Variants in CNTN5 observed in about 807,000 individuals in gnomAD.
CNTN5 encodes the protein contactin-5.
Under a neutral mutation model 129.1 loss-of-function variants are expected in CNTN5, and 77 were observed. The observed-to-expected ratio is 0.60, with a 90% CI of 0.50 to 0.72. The LOEUF is 0.72. Ranked by LOEUF, CNTN5 falls within the 30% of genes least tolerant of loss-of-function variation. The pLI, the probability that CNTN5 is intolerant of heterozygous loss-of-function variation, is 0.00. For missense variants in CNTN5, 1,478 were observed against 1,328.8 expected, an observed-to-expected ratio of 1.11 and a Z score of -1.75; for synonymous variants, 509 against 465.6, an observed-to-expected ratio of 1.09 and a Z score of -1.20.
At position 100,071,786 on chromosome 11, in the gene CNTN5, GA is replaced by G; in HGVS notation, c.1385del (p.Asn462IlefsTer12). ...TGCTGGAATGTATCAGTGTTTGGCTGAAAATAAGTATGGAGCCATTTACGCT... is the reference window on the plus strand; with the variant it reads ...TGCTGGAATGTATCAGTGTTTGGCTGAAATAAGTATGGAGCCATTTACGCT... ...SDAGMYQCLAENKYGAIYASA... is the reference protein window; with the variant it reads ...SDAGMYQCLAXNKYGAIYASA... On this transcript the variant is annotated frameshift_variant, in exon 12 of 25. Transcript: ENST00000524871. LOFTEE classifies it high-confidence loss of function. 6.2e-7 allele frequency: 1 copy of G among 1,607,200 alleles called. No individual in the cohort carries two copies. Among genetic ancestry groups the G allele is most frequent in the Non-Finnish European group, 8.5e-7 (1 of 1,176,642 alleles).
intron 1 of CNTN5, among the ~76,000 whole-genome samples, chr11:99,155,966 A>G (rs1339794079): frequency 6.6e-6 from 1 of 152,246 alleles, no homozygotes; most frequent in Non-Finnish European, 1.5e-5. Flanking sequence ...AATACAAGCG[A>G]GGATAAAACC....
intron 6 of CNTN5, among the ~76,000 whole-genome samples, chr11:99,848,370 T>G (rs1947769044): frequency 6.6e-6 from 1 of 152,188 alleles, no homozygotes; most frequent in South Asian, 2.1e-4. Flanking sequence ...TGCTTATTAC[T>G]TTTGTCACAT....
chr11:99,425,851 G>A (rs750996055), intron 2 of CNTN5, among the ~76,000 whole-genome samples: 9 of 152,216 alleles, frequency 5.9e-5, no homozygotes, highest in Non-Finnish European at 1.3e-4. Context: ...CATAGCCCTG[G>A]CTACTCCTCC....
intron 3 of CNTN5, among the ~76,000 whole-genome samples, chr11:99,579,487 G>T (rs908741521): frequency 1.3e-5 from 2 of 149,586 alleles, no homozygotes; most frequent in African/African-American, 2.5e-5. Context: ...CCATTGGTTT[G>T]TATCCTCTTT....
chr11:99,712,343 A>G (rs1955029002), intron 3 of CNTN5, among the ~76,000 whole-genome samples: 1 of 151,912 alleles, frequency 6.6e-6, no homozygotes, highest in Non-Finnish European at 1.5e-5. Context: ...TTTTCTTGTA[A>G]ATTTGATTAA....
chr11:99,107,650 G>A (rs530897606), intron 1 of CNTN5, among the ~76,000 whole-genome samples: 27 of 151,956 alleles, frequency 1.8e-4, no homozygotes, highest in African/African-American at 5.6e-4. Flanking sequence ...AACTAGTGTC[G>A]GCTGGGCGCA....
chr11:100,255,387 C>G (rs1172705847), intron 16 of CNTN5, among the ~76,000 whole-genome samples: 2 of 151,686 alleles, frequency 1.3e-5, no homozygotes, highest in Non-Finnish European at 2.9e-5. Flanking sequence ...TTTTTTGTCT[C>G]TGTAGCACTG....
intron 21 of CNTN5, among the ~76,000 whole-genome samples, chr11:100,330,536 C>T (rs1006845070): frequency 7.4e-5 from 11 of 149,108 alleles, no homozygotes; most frequent in African/African-American, 2.9e-4. Flanking sequence ...ATCATGTTAT[C>T]TAAAGTCAAG....
chr11:99,543,710 G>A (rs2135502341), intron 2 of CNTN5, among the ~76,000 whole-genome samples: 2 of 152,186 alleles, frequency 1.3e-5, no homozygotes, highest in East Asian at 3.9e-4. Flanking sequence ...CTGAGGTCAG[G>A]AGTTCAAGAC....
chr11:99,681,808 C>T (rs77585645), intron 3 of CNTN5, among the ~76,000 whole-genome samples: 5,268 of 151,920 alleles, frequency 0.035, 332 homozygotes, highest in African/African-American at 0.12. Context: ...CTGTAGTTTA[C>T]CTGAAACGAT....
intron 1 of CNTN5, among the ~76,000 whole-genome samples, chr11:99,047,232 A>G (rs1178175931): frequency 2.0e-5 from 3 of 151,942 alleles, no homozygotes; most frequent in Non-Finnish European, 4.4e-5. Context: ...AACAGCCAAT[A>G]TTTACATATT....
intron 8 of CNTN5, among the ~76,000 whole-genome samples, chr11:99,971,546 A>G (rs1951253809): frequency 6.6e-6 from 1 of 151,674 alleles, no homozygotes; most frequent in Non-Finnish European, 1.5e-5. Flanking sequence ...CGTCACACAC[A>G]TTAAAAACAA....
intron 1 of CNTN5, among the ~76,000 whole-genome samples, chr11:99,087,932 G>T (rs1866066681): frequency 6.6e-6 from 1 of 152,136 alleles, no homozygotes; most frequent in Admixed American, 6.5e-5. Context: ...AGGGCCAAAT[G>T]CTTAGCCTAA....
intron 3 of CNTN5, among the ~76,000 whole-genome samples, chr11:99,599,609 T>G (rs924090156): frequency 6.6e-6 from 1 of 152,174 alleles, no homozygotes; most frequent in African/African-American, 2.4e-5. Flanking sequence ...TAAAACATTT[T>G]ATCACATATT....
intron 9 of CNTN5, among the ~76,000 whole-genome samples, chr11:100,022,359 A>C (rs1266325610): frequency 6.6e-6 from 1 of 152,182 alleles, no homozygotes; most frequent in African/African-American, 2.4e-5. Context: ...GGTGTGTTTA[A>C]ATCTAGCATC....
At chr11:99,068,694 C>A (rs951642805) in intron 1 of CNTN5, among the ~76,000 whole-genome samples, 2 of 151,974 alleles carry the variant, frequency 1.3e-5, no homozygotes, top group African/African-American at 4.8e-5. Context: ...TGGCTAGAAG[C>A]TCACTTTGAA....
At chr11:100,316,306 T>C (rs1006708523) in intron 21 of CNTN5, among the ~76,000 whole-genome samples, 3 of 152,214 alleles carry the variant, frequency 2.0e-5, no homozygotes, top group African/African-American at 7.2e-5. Context: ...AAGCATTTAT[T>C]CAGTATCGGG....
intron 4 of CNTN5, among the ~76,000 whole-genome samples, chr11:99,825,768 G>T (rs1220501429): frequency 6.6e-6 from 1 of 151,924 alleles, no homozygotes; most frequent in East Asian, 1.9e-4. Flanking sequence ...TATTTCCTTT[G>T]TTAATAGACT....
In CNTN5 at chr11:99,619,257, A is replaced by C. The variant is rs1950855316; in HGVS notation, c.55+62988A>C. Among the ~76,000 whole-genome samples, 5 of 152,134 alleles carry C rather than the reference A, an allele frequency of 3.3e-5. No individual in the cohort carries two copies. The South Asian group carries it at 6.2e-4, about 19-fold the overall frequency. On this transcript the variant is annotated intron_variant, in intron 3 of 24. Transcript: ENST00000524871. ...TATCCTAAAATATTTCTAATTGGAG[A>C]TCAATAGAGCCTATATTAAATTCTA... is the stretch of plus-strand genomic sequence containing the variant.
Sources: gnomAD v4.1 joint callset for allele counts (sites outside exome capture counted in the v4.1 genomes callset) on GRCh38, gnomAD v4.1.1 for gene constraint, MANE v1.5 for transcripts, NCBI Gene and HGNC (gene_info 2026-07-23, HGNC 2026-07-21) for gene names.